The following JARID2 variants were observed in gnomAD, a reference collection of about 807,000 sequenced individuals.
JARID2 encodes protein Jumonji.
In JARID2, 21 loss-of-function variants were observed where a neutral mutation model predicts 125.6. The ratio of observed to expected loss-of-function variants is 0.17; its 90% CI spans 0.12 to 0.24. The LOEUF is 0.24. Ranked by LOEUF, JARID2 falls within the 10% of genes least tolerant of loss-of-function variation. JARID2 has a pLI of 1.00. For missense variants in JARID2, 1,303 were observed against 1,639.6 expected, an observed-to-expected ratio of 0.79 and a Z score of 3.55; for synonymous variants, 736 against 661.6, an observed-to-expected ratio of 1.11 and a Z score of -1.73.
chr6:15,314,614 G>A (rs1762120255), intron 1 of JARID2, among the ~76,000 whole-genome samples: 1 of 152,154 alleles, frequency 6.6e-6, no homozygotes, highest in African/African-American at 2.4e-5. Context: ...CTTGTGTATA[G>A]AAGCGGACAG....
intron 1 of JARID2, among the ~76,000 whole-genome samples, chr6:15,280,092 T>A (rs1760692568): frequency 6.6e-6 from 1 of 152,192 alleles, no homozygotes; most frequent in South Asian, 2.1e-4. Flanking sequence ...TTGTCTACTT[T>A]CTTCTGTCAA....
In JARID2 at chr6:15,501,275, A is replaced by T. The variant is rs780882768; in HGVS notation, c.2314A>T (p.Ser772Cys). 6 of 1,613,632 alleles carry T rather than the reference A, an allele frequency of 3.7e-6. No individual in the cohort carries two copies. In the East Asian group the frequency reaches 1.3e-4, roughly 36 times the overall value. The part of the protein sequence containing the change: ...HGVAPRNGFR[S>C]KLKEVGQAQL... ...CGTGGCCCCCAGGAACGGCTTCCGC[A>T]GCAAGCTCAAGGAGGTGGGCCAGGC... Residue 772 changes from serine (S) to cysteine (C), a missense_variant, in exon 8 of 18, where the codon AGC becomes TGC. This residue lies in a region of JARID2 where 124 missense variants were observed against 131.0 expected (regional missense o/e 0.95). Coordinates refer to ENST00000341776, the MANE Select transcript of JARID2 (RefSeq NM_004973.4).
At chr6:15,345,475 T>C (rs2127474183) in intron 1 of JARID2, among the ~76,000 whole-genome samples, 1 of 152,362 alleles carries the variant, frequency 6.6e-6, no homozygotes, top group East Asian at 1.9e-4. Context: ...AGTTACTGTA[T>C]TCCCATCCTT....
At chr6:15,513,863 G>C (rs1049745399) in intron 16 of JARID2, among the ~76,000 whole-genome samples, 2 of 152,246 alleles carry the variant, frequency 1.3e-5, no homozygotes, top group African/African-American at 4.8e-5. Context: ...CTTTGGCTCT[G>C]TTCTTGGTTT....
chr6:15,329,618 T>C (rs969829792), intron 1 of JARID2, among the ~76,000 whole-genome samples: 1 of 152,210 alleles, frequency 6.6e-6, no homozygotes, highest in African/African-American at 2.4e-5. Context: ...TTAAACCGCA[T>C]GCGCTCTGTC....
chr6:15,358,029 C>T (rs1436330316), intron 1 of JARID2, among the ~76,000 whole-genome samples: 2 of 152,134 alleles, frequency 1.3e-5, no homozygotes, highest in African/African-American at 4.8e-5. Context: ...TTTCTATTTA[C>T]GGTAATTACT....
chr6:15,445,243 G>T (rs1043195276), intron 3 of JARID2, among the ~76,000 whole-genome samples: 5 of 152,040 alleles, frequency 3.3e-5, no homozygotes, highest in Non-Finnish European at 5.9e-5. Context: ...GCACAGGGAG[G>T]GTATTACAAA....
chr6:15,427,014 C>T (rs1766758175), intron 3 of JARID2, among the ~76,000 whole-genome samples: 1 of 152,194 alleles, frequency 6.6e-6, no homozygotes, highest in Non-Finnish European at 1.5e-5. Context: ...CCCTTTGTGG[C>T]TGTGTGCAAT....
At chr6:15,309,674 TG>T (rs1037132585) in intron 1 of JARID2, among the ~76,000 whole-genome samples, 6 of 151,310 alleles carry the variant, frequency 4.0e-5, no homozygotes, top group African/African-American at 1.5e-4. Flanking sequence ...TAAACGTGTG[TG>T]TGTGTGTGTA....
chr6:15,396,097 G>A (rs1295628535), intron 2 of JARID2, among the ~76,000 whole-genome samples: 1 of 152,188 alleles, frequency 6.6e-6, no homozygotes, highest in African/African-American at 2.4e-5. Context: ...GGTTGATCAT[G>A]TTGTTTGACT....
At chr6:15,450,784 A>C (rs1767887049) in intron 3 of JARID2, among the ~76,000 whole-genome samples, 1 of 152,212 alleles carries the variant, frequency 6.6e-6, no homozygotes, top group Non-Finnish European at 1.5e-5. Flanking sequence ...ATTGTATGTA[A>C]AGCAAAAATA....
At chr6:15,399,883 A>G (rs2237154) in intron 2 of JARID2, among the ~76,000 whole-genome samples, 103,765 of 152,146 alleles carry the variant, frequency 0.68, 35,501 homozygotes, top group South Asian at 0.75. Flanking sequence ...GAAGAGAAGC[A>G]TGTGGTAGTG....
At chr6:15,329,191 T>G (rs572966568) in intron 1 of JARID2, among the ~76,000 whole-genome samples, 2,238 of 147,126 alleles carry the variant, frequency 0.015, 32 homozygotes, top group African/African-American at 0.033. Context: ...TTTTTTTTTT[T>G]GGGGGATTAT....
chr6:15,356,040 C>CT (rs1335992589), intron 1 of JARID2, among the ~76,000 whole-genome samples: 1 of 152,178 alleles, frequency 6.6e-6, no homozygotes, highest in African/African-American at 2.4e-5. Context: ...GTGGGTTGGC[C>CT]TATTCTGGAG....
chr6:15,443,459 T>C (rs1031538018), intron 3 of JARID2, among the ~76,000 whole-genome samples: 2 of 152,166 alleles, frequency 1.3e-5, no homozygotes, highest in South Asian at 2.1e-4. Flanking sequence ...TTCTAAAATA[T>C]ATATGAATGA....
chr6:15,263,973 G>A (rs1042085253), intron 1 of JARID2, among the ~76,000 whole-genome samples: 1 of 152,180 alleles, frequency 6.6e-6, no homozygotes, highest in Non-Finnish European at 1.5e-5. Flanking sequence ...GCTCACTGCA[G>A]CCTTAACCTT....
rs531374898 is a variant in JARID2 at position 15,401,020 on chromosome 6, C to T, written c.182-9204C>T. ...TCTTGAGGAACCTGGGATAGAAGGTCTGTTCCTATAAATAAAAGACAAACC... is the reference window on the plus strand; with the variant it reads ...TCTTGAGGAACCTGGGATAGAAGGTTTGTTCCTATAAATAAAAGACAAACC... On this transcript the variant is annotated intron_variant, in intron 2 of 17. Coordinates refer to ENST00000341776, the MANE Select transcript of JARID2 (RefSeq NM_004973.4). 18 of 1,289,314 alleles carry T rather than the reference C, an allele frequency of 1.4e-5. No individual in the cohort carries two copies. In the East Asian group the frequency reaches 9.4e-4, roughly 68 times the overall value. 79.9% of individuals were successfully genotyped at this position (1,289,314 alleles called of 1,614,324 possible).
In JARID2 at chr6:15,251,133, T is replaced by C. The variant is rs547242432; in HGVS notation, c.45+4549T>C. On this transcript the variant is annotated intron_variant, in intron 1 of 17. Transcript: ENST00000341776. ...TTCAATCGATTCTCCTGTCTCAGCCTCCCGAGTAGGTGGGATTACAGGCAC... is the reference window on the plus strand; with the variant it reads ...TTCAATCGATTCTCCTGTCTCAGCCCCCCGAGTAGGTGGGATTACAGGCAC... Among the ~76,000 whole-genome samples, 452 of 152,228 alleles carry C rather than the reference T, an allele frequency of 3.0e-3. 3 individuals carry two copies. Among genetic ancestry groups the C allele is most frequent in the African/African-American group, 0.011 (438 of 41,542 alleles).
chr6:15,246,509 C>T lies in JARID2; in HGVS notation c.-31C>T, dbSNP rs1386090633. On this transcript the variant is annotated 5_prime_UTR_variant, in exon 1 of 18. Coordinates refer to ENST00000341776, the MANE Select transcript of JARID2 (RefSeq NM_004973.4). ...GGCTTTAAATTCATGAAGCAATTGTCCCCTTTTGCAATCAGCATTTGGATC... is the reference window on the plus strand; with the variant it reads ...GGCTTTAAATTCATGAAGCAATTGTTCCCTTTTGCAATCAGCATTTGGATC... 4 of 1,599,454 alleles carry T rather than the reference C, an allele frequency of 2.5e-6. No homozygotes were observed. In the South Asian group the frequency reaches 3.3e-5, roughly 13 times the overall value.
Sources: allele counts gnomAD v4.1 joint callset (sites outside exome capture counted in the v4.1 genomes callset), GRCh38; gene constraint gnomAD v4.1.1; regional missense constraint gnomAD v4.1.1; transcripts MANE v1.5; gene names NCBI Gene and HGNC (gene_info 2026-07-23, HGNC 2026-07-21).